CADM2: variants seen among roughly 807,000 people sequenced by gnomAD.
The protein encoded by CADM2 is immunoglobulin superfamily member 4D.
A neutral mutation model predicts 49.8 loss-of-function variants in CADM2; 12 were observed. The ratio of observed to expected loss-of-function variants is 0.24; its 90% CI spans 0.15 to 0.39. CADM2 has a LOEUF of 0.39. CADM2 is among the 10% of genes least tolerant of loss of function. The pLI, the probability that CADM2 is intolerant of heterozygous loss-of-function variation, is 1.00. For missense variants in CADM2, 378 were observed against 492.3 expected (o/e 0.77, Z 2.20); for synonymous variants, 214 against 175.4 (o/e 1.22, Z -1.74).
chr3:85,958,236 A>G (rs1260142672), intron 7 of CADM2, among the ~76,000 whole-genome samples: 2 of 152,030 alleles, frequency 1.3e-5, no homozygotes, highest in East Asian at 3.9e-4. Flanking sequence ...GAAAATCAAA[A>G]CCACAATGAG....
intron 8 of CADM2, among the ~76,000 whole-genome samples, chr3:85,980,008 G>A (rs926801829): frequency 6.6e-6 from 1 of 151,290 alleles, no homozygotes; most frequent in East Asian, 1.9e-4. Flanking sequence ...AATATAAAAA[G>A]TATTCCTGAG....
chr3:85,031,672 G>C (rs201120742), intron 1 of CADM2, among the ~76,000 whole-genome samples: 5 of 151,858 alleles, frequency 3.3e-5, no homozygotes, highest in South Asian at 4.2e-4. Flanking sequence ...ACGCCACCAC[G>C]CCCGGCTAAT....
At chr3:85,062,585 A>G (rs2036372288) in intron 1 of CADM2, among the ~76,000 whole-genome samples, 1 of 151,946 alleles carries the variant, frequency 6.6e-6, no homozygotes, top group South Asian at 2.1e-4. Context: ...AAAGGCACTT[A>G]ATTATTTAAA....
At chr3:85,192,830 A>C (rs965741520) in intron 1 of CADM2, among the ~76,000 whole-genome samples, 22 of 152,152 alleles carry the variant, frequency 1.4e-4, no homozygotes, top group African/African-American at 5.3e-4. Context: ...TAAGATGGGT[A>C]TATTTACAAG....
intron 1 of CADM2, among the ~76,000 whole-genome samples, chr3:85,366,385 C>A (rs1477580516): frequency 6.6e-6 from 1 of 152,070 alleles, no homozygotes; most frequent in Non-Finnish European, 1.5e-5. Context: ...TGCAGAAGCC[C>A]AAACCATGTT....
chr3:85,750,542 A>G (rs2068816885), intron 2 of CADM2, among the ~76,000 whole-genome samples: 1 of 152,176 alleles, frequency 6.6e-6, no homozygotes, highest in African/African-American at 2.4e-5. Context: ...GTGAATATTC[A>G]ATCATTGTGT....
intron 1 of CADM2, among the ~76,000 whole-genome samples, chr3:85,559,853 A>C (rs1167790725): frequency 6.6e-6 from 1 of 152,168 alleles, no homozygotes; most frequent in East Asian, 1.9e-4. Context: ...AATGATGTTA[A>C]TTTAAATATA....
intron 6 of CADM2, among the ~76,000 whole-genome samples, chr3:85,914,375 A>G (rs1261714072): frequency 6.6e-6 from 1 of 152,144 alleles, no homozygotes; most frequent in African/African-American, 2.4e-5. Context: ...AGTCAAGTTC[A>G]TGGCATTTAA....
chr3:85,606,793 G>A (rs1668732183), intron 1 of CADM2, among the ~76,000 whole-genome samples: 1 of 151,960 alleles, frequency 6.6e-6, no homozygotes, highest in Non-Finnish European at 1.5e-5. Flanking sequence ...AAATATCCTG[G>A]CTTTTTTTTT....
chr3:85,409,539 T>G (rs934882617), intron 1 of CADM2, among the ~76,000 whole-genome samples: 3 of 152,064 alleles, frequency 2.0e-5, no homozygotes, highest in Admixed American at 2.0e-4. Context: ...AATTCAAATT[T>G]TATATTGCCA....
At chr3:85,275,257 GCA>G in intron 1 of CADM2, among the ~76,000 whole-genome samples, 2 of 151,556 alleles carry the variant, frequency 1.3e-5, no homozygotes, top group South Asian at 4.1e-4. Flanking sequence ...TTTGGATTTT[GCA>G]CACTTAAAAA....
chr3:85,456,274 A>G (rs1209934707), intron 1 of CADM2, among the ~76,000 whole-genome samples: 1 of 152,218 alleles, frequency 6.6e-6, no homozygotes, highest in Non-Finnish European at 1.5e-5. Context: ...TTGATAGTCT[A>G]TCTGGCAGCC....
chr3:85,769,681 C>T (rs1403452652), intron 2 of CADM2, among the ~76,000 whole-genome samples: 1 of 142,202 alleles, frequency 7.0e-6, no homozygotes, highest in Non-Finnish European at 1.5e-5. Context: ...CACATATATA[C>T]ATATATATGA....
At chr3:85,952,988 A>ATT (rs33913655) in intron 7 of CADM2, among the ~76,000 whole-genome samples, 3 of 148,304 alleles carry the variant, frequency 2.0e-5, no homozygotes, top group African/African-American at 7.4e-5. Flanking sequence ...TTCTTACTTT[A>ATT]TTTTTTTTTT....
At chr3:85,119,170 G>A (rs1207909897) in intron 1 of CADM2, among the ~76,000 whole-genome samples, 1 of 152,146 alleles carries the variant, frequency 6.6e-6, no homozygotes, top group African/African-American at 2.4e-5. Flanking sequence ...CCCAACCCTT[G>A]GGAGGCTGAG....
intron 1 of CADM2, among the ~76,000 whole-genome samples, chr3:85,367,025 A>G (rs2107302699): frequency 6.6e-6 from 1 of 152,152 alleles, no homozygotes; most frequent in East Asian, 1.9e-4. Flanking sequence ...TGATTTCTCA[A>G]ATAAATATTT....
intron 8 of CADM2, among the ~76,000 whole-genome samples, chr3:86,046,439 A>G (rs1736697313): frequency 6.6e-6 from 1 of 152,098 alleles, no homozygotes; most frequent in Non-Finnish European, 1.5e-5. Flanking sequence ...ATTTGCCTAG[A>G]TGATTGCTTC....
intron 2 of CADM2, among the ~76,000 whole-genome samples, chr3:85,795,561 A>T (rs2071569641): frequency 6.6e-6 from 1 of 152,166 alleles, no homozygotes; most frequent in Non-Finnish European, 1.5e-5. Context: ...CTAATCTCCA[A>T]CCTGGAAGAA....
At chr3:85,957,786 G>A (rs1212501466) in intron 7 of CADM2, among the ~76,000 whole-genome samples, 1 of 151,734 alleles carries the variant, frequency 6.6e-6, no homozygotes, top group Non-Finnish European at 1.5e-5. Flanking sequence ...AGAACTCAGG[G>A]AAACACTTTG....
Sources: allele counts gnomAD v4.1 joint callset (sites outside exome capture counted in the v4.1 genomes callset), GRCh38; gene constraint gnomAD v4.1.1; transcripts MANE v1.5; gene names NCBI Gene and HGNC (gene_info 2026-07-23, HGNC 2026-07-21).